DIS3: variants seen among roughly 807,000 people sequenced by gnomAD.
The protein encoded by DIS3 is DIS3 exosome endoribonuclease and 3'-5' exoribonuclease, also known as exosome complex exonuclease RRP44.
A neutral mutation model predicts 113.0 loss-of-function variants in DIS3; 103 were observed. That is an observed-to-expected ratio of 0.91 (90% CI 0.78 to 1.07). DIS3 has a LOEUF of 1.07. Among genes scored for constraint, DIS3 ranks in the 50% least tolerant of loss-of-function variants. The pLI is 0.00. For synonymous variants in DIS3, 402 were observed against 394.3 expected, an observed-to-expected ratio of 1.02 and a Z score of -0.23; for missense variants, 1,121 against 1,167.1, an observed-to-expected ratio of 0.96 and a Z score of 0.58.
rs2033942159 is a variant in DIS3 at position 72,773,786 on chromosome 13, T to G, written c.1137A>C (p.Arg379Ser). 1 of 1,613,906 alleles carries G rather than the reference T, an allele frequency of 6.2e-7. No homozygotes were observed. The highest frequency in any genetic ancestry group is 1.1e-5 in the South Asian group (1 of 91,048). The change falls in exon 8 of 21, where the codon AGA (arginine) becomes AGC (serine). Residue 379 changes from arginine to serine, a missense_variant. Arg to Ser is a moderately radical substitution (Grantham distance 110). Coordinates refer to ENST00000377767, the MANE Select transcript of DIS3 (RefSeq NM_014953.5). ...RRHLFTPADK[R>S]IPRIRIETRQ... ...TGGTTTCTATGCGAATTCGAGGGATTCTCTTATCAGCAGGTGTAAAGAGAT... is the reference window on the plus strand; with the variant it reads ...TGGTTTCTATGCGAATTCGAGGGATGCTCTTATCAGCAGGTGTAAAGAGAT...
chr13:72,776,194 T>C, intron 4 of DIS3, 102 bp from the exon 5 acceptor site: 1 of 1,117,814 alleles, frequency 8.9e-7, no homozygotes, highest in South Asian at 1.8e-5. Flanking sequence ...TACATTATGA[T>C]ATACACAACT....
Position 72,763,497 on chromosome 13 carries a change from G to A in DIS3, c.2081C>T (p.Pro694Leu). ...EHALLRKHPA[P>L]PPSNYEILVK... is the part of the protein sequence containing the mutation. ...AAGAATTTCATAATTTGATGGAGGT[G>A]GAGCAGGATGTTTTCGAAGCAGAGC... Residue 694 changes from proline to leucine, a missense_variant, in exon 16 of 21, where the codon CCA becomes CTA. Pro to Leu is a moderately conservative substitution (Grantham distance 98, BLOSUM62 -3). This residue lies in a region of DIS3 where 861 missense variants were observed against 915.5 expected (regional missense o/e 0.94). Transcript: ENST00000377767. The A allele has an allele frequency of 3.7e-6, 6 of 1,613,940 alleles. No homozygotes were observed. Among genetic ancestry groups the A allele is most frequent in the Non-Finnish European group, 5.1e-6 (6 of 1,179,950 alleles).
At position 72,759,546 on chromosome 13, in the gene DIS3, C is replaced by T; in HGVS notation, c.*249G>A. On this transcript the variant is annotated 3_prime_UTR_variant, in exon 21 of 21. Transcript: ENST00000377767. ...CTTTACAGATCCCTGAAGTTGCTGTCCTGTCACTGTATTTAAGTGATGGAT... is the reference window on the plus strand; with the variant it reads ...CTTTACAGATCCCTGAAGTTGCTGTTCTGTCACTGTATTTAAGTGATGGAT... 1.1e-5 allele frequency: 4 copies of T among 364,128 alleles called. No individual in the cohort carries two copies. Among genetic ancestry groups the T allele is most frequent in the Non-Finnish European group, 2.0e-5 (4 of 201,062 alleles). The allele number at this position is 364,128 out of a possible 1,614,324, so 22.6% of individuals were successfully genotyped here. A position where few individuals can be genotyped will look rare whatever the true frequency, so the allele number is the denominator to read the frequency against.
chr13:72,776,847 A>C (rs914272941), intron 4 of DIS3, among the ~76,000 whole-genome samples: 1 of 152,192 alleles, frequency 6.6e-6, no homozygotes, highest in Non-Finnish European at 1.5e-5. Context: ...AATGTTACAC[A>C]CTGACATGAG....
At chr13:72,777,546 A>G (rs1566251331) in intron 3 of DIS3, 53 bp from the exon 4 acceptor site, 3 of 1,472,668 alleles carry the variant, frequency 2.0e-6, no homozygotes, top group Non-Finnish European at 2.8e-6. Context: ...CTTAGATATG[A>G]AAAAAATGGA....
chr13:72,755,430 A>G lies in DIS3; in HGVS notation c.*4365T>C. 1 of 515,108 alleles carries G rather than the reference A, an allele frequency of 1.9e-6. No individual in the cohort carries two copies. The highest frequency in any genetic ancestry group is 2.9e-5 in the South Asian group (1 of 34,822). 31.9% of individuals were successfully genotyped at this position (515,108 alleles called of 1,614,324 possible). A position where few individuals can be genotyped will look rare whatever the true frequency, so the allele number is the denominator to read the frequency against. On this transcript the variant is annotated 3_prime_UTR_variant, in exon 21 of 21. Coordinates refer to ENST00000377767, the MANE Select transcript of DIS3 (RefSeq NM_014953.5). Reference sequence around the variant, plus strand: ...CTGAATTATAAGTTTATTTTTTATCAATAAATATTTTTATACTTACATTGA... The same window carrying G: ...CTGAATTATAAGTTTATTTTTTATCGATAAATATTTTTATACTTACATTGA...
chr13:72,781,587 G>A lies in DIS3; in HGVS notation c.228+18C>T, dbSNP rs1397024080. 1 of 1,488,376 alleles carries A rather than the reference G, an allele frequency of 6.7e-7. No individual in the cohort carries two copies. Among genetic ancestry groups the A allele is most frequent in the Non-Finnish European group, 9.0e-7 (1 of 1,115,400 alleles). The allele number at this position is 1,488,376 out of a possible 1,614,324, so 92.2% of individuals were successfully genotyped here. A position where few individuals can be genotyped will look rare whatever the true frequency, so the allele number is the denominator to read the frequency against. ...TCCCCGTGGGGCCGCGCTGTCCGCG[G>A]TTCGCCCGCCCACGCACCTGGTGCA... On this transcript the variant is annotated intron_variant, in intron 1 of 20. Coordinates refer to ENST00000377767, the MANE Select transcript of DIS3 (RefSeq NM_014953.5).
chr13:72,770,332 T>G (rs574037130), intron 13 of DIS3, among the ~76,000 whole-genome samples: 1 of 152,102 alleles, frequency 6.6e-6, no homozygotes, highest in Non-Finnish European at 1.5e-5. Flanking sequence ...CATTCTATCC[T>G]GAGGGCACAG....
At chr13:72,763,009 T>C (rs2033663106) in intron 16 of DIS3, among the ~76,000 whole-genome samples, 1 of 151,994 alleles carries the variant, frequency 6.6e-6, no homozygotes, top group East Asian at 1.9e-4. Flanking sequence ...TTAAAAACAT[T>C]AGGCTGGGTG....
Position 72,762,125 on chromosome 13 carries a change from T to C in DIS3, c.2140A>G (p.Lys714Glu). 1 of 1,613,626 alleles carries C rather than the reference T, an allele frequency of 6.2e-7. No homozygotes were observed. Among genetic ancestry groups the C allele is most frequent in the South Asian group, 1.1e-5 (1 of 91,054 alleles). Reference protein sequence around the residue: ...KAARSRNLEIKTDTAKSLAES... With the variant: ...KAARSRNLEIETDTAKSLAES... ...GCCAAAGACTTGGCTGTATCAGTCT[T>C]AATTTCCAAATTCTGTAAACAAAAA... is the stretch of plus-strand genomic sequence containing the variant. The change falls in exon 17 of 21, where the codon AAG (lysine) becomes GAG (glutamate). Residue 714 changes from lysine to glutamate, a missense_variant. Transcript: ENST00000377767.
At chr13:72,779,718 C>T (rs1262619513) in intron 2 of DIS3, among the ~76,000 whole-genome samples, 2 of 150,654 alleles carry the variant, frequency 1.3e-5, no homozygotes, top group Non-Finnish European at 3.0e-5. Context: ...TGAATTCACC[C>T]CTCAGGGCAT....
chr13:72,755,226 G>A lies in DIS3; in HGVS notation c.*4569C>T. The A allele has an allele frequency of 2.5e-6, 4 of 1,602,824 alleles. No homozygotes were observed. Among genetic ancestry groups the A allele is most frequent in the East Asian group, 2.2e-5 (1 of 44,794 alleles). On this transcript the variant is annotated 3_prime_UTR_variant, in exon 21 of 21. Coordinates refer to ENST00000377767, the MANE Select transcript of DIS3 (RefSeq NM_014953.5). Reference sequence around the variant, plus strand: ...ATGCAGCAGTCCATAGAATGCCTCTGTCAGAATCAAAGACTAAGCTTAAGA... The same window carrying A: ...ATGCAGCAGTCCATAGAATGCCTCTATCAGAATCAAAGACTAAGCTTAAGA...
chr13:72,763,278 C>T (rs12874905), intron 16 of DIS3, among the ~76,000 whole-genome samples, 173 bp downstream of exon 16: 2 of 151,724 alleles, frequency 1.3e-5, no homozygotes, highest in Admixed American at 1.3e-4. Flanking sequence ...GCACTCCAGT[C>T]TGGGTGACAG....
rs2033739539 is a variant in DIS3, at chr13:72,766,057, C to A, written c.1885G>T (p.Ala629Ser). Residue 629 changes from alanine to serine, a missense_variant and splice_region_variant, in exon 15 of 21, where the codon GCT (alanine) becomes TCT (serine). Transcript: ENST00000377767. ...ACTTCAGGAGAGGATAGAGTCAAAGCCCTACATAAAAATTAAAGAGAAAAA... is the reference window on the plus strand; with the variant it reads ...ACTTCAGGAGAGGATAGAGTCAAAGACCTACATAAAAATTAAAGAGAAAAA... ...ILKKRRIEKG[A>S]LTLSSPEVRF... 6.3e-7 allele frequency: 1 copy of A among 1,597,106 alleles called. No individual in the cohort carries two copies. The highest frequency in any genetic ancestry group is 2.2e-5 in the East Asian group (1 of 44,624).
rs746952119 is a variant in DIS3 at position 72,772,146 on chromosome 13, T to C, written c.1503+13A>G. 3.2e-6 allele frequency: 5 copies of C among 1,586,886 alleles called. No homozygotes were observed. In the Admixed American group the frequency reaches 5.1e-5, roughly 16 times the overall value. On this transcript the variant is annotated intron_variant, in intron 10 of 20. Transcript: ENST00000377767. ...AACTATATTTAGGTAAGAACACTAT[T>C]ACATATGAATACCTCCAAATTTCCA... is the stretch of plus-strand genomic sequence containing the variant.
Position 72,771,103 on chromosome 13 carries a change from A to T in DIS3, c.1648T>A (p.Ser550Thr). 1 of 1,613,740 alleles carries T rather than the reference A, an allele frequency of 6.2e-7. No individual in the cohort carries two copies. The highest frequency in any genetic ancestry group is 1.1e-5 in the South Asian group (1 of 91,040). Residue 550 changes from serine to threonine, a missense_variant, in exon 12 of 21, where the codon TCC (serine) becomes ACC (threonine). Around this residue, in one of 3 missense-constraint regions of DIS3, gnomAD observed 861 missense variants for 915.5 expected, o/e 0.94. Coordinates refer to ENST00000377767, the MANE Select transcript of DIS3 (RefSeq NM_014953.5). ...VPELLSSNLC[S>T]LKCDVDRLAF... Reference sequence around the variant, plus strand: ...TACCTGTCCACGTCACATTTTAAGGAACACAAGTTAGAGCTAAGCAACTCT... The same window carrying T: ...TACCTGTCCACGTCACATTTTAAGGTACACAAGTTAGAGCTAAGCAACTCT...
At chr13:72,778,473 G>C (rs2034074977) in intron 2 of DIS3, 93 bp from the exon 3 acceptor site, 2 of 990,992 alleles carry the variant, frequency 2.0e-6, no homozygotes, top group East Asian at 2.5e-5. Context: ...CACTAAACTA[G>C]AAAAAGTCAA....
chr13:72,773,927 G>C lies in DIS3; in HGVS notation c.1101+19C>G. The C allele has an allele frequency of 6.3e-7, 1 of 1,592,146 alleles. No individual in the cohort carries two copies. The highest frequency in any genetic ancestry group is 8.5e-7 in the Non-Finnish European group (1 of 1,170,564). ...ATGTTTATCATTTTTTTATTACATA[G>C]TAAATGCTCTTTACTCACCTCCTTA... On this transcript the variant is annotated intron_variant, in intron 7 of 20. Transcript: ENST00000377767.
chr13:72,771,745 G>T, intron 11 of DIS3, 50 bp downstream of exon 11: 1 of 1,545,584 alleles, frequency 6.5e-7, no homozygotes, highest in Non-Finnish European at 8.8e-7. Context: ...GGCCGTTTAA[G>T]AATCCTTAAG....
Sources: gnomAD v4.1 joint callset for allele counts (sites outside exome capture counted in the v4.1 genomes callset) on GRCh38, gnomAD v4.1.1 for gene constraint, gnomAD v4.1.1 regional missense constraint, MANE v1.5 for transcripts, NCBI Gene and HGNC (gene_info 2026-07-23, HGNC 2026-07-21) for gene names.